The following SPATA17 variants were observed in gnomAD, a reference collection of about 807,000 sequenced individuals.
The protein encoded by SPATA17 is spermatogenesis associated 17.
Under a neutral mutation model 62.2 loss-of-function variants are expected in SPATA17, and 53 were observed. That is an observed-to-expected ratio of 0.85 (90% CI 0.68 to 1.07). The LOEUF is 1.07. Among genes scored for constraint, SPATA17 ranks in the 50% least tolerant of loss-of-function variants. The pLI, the probability that SPATA17 is intolerant of heterozygous loss-of-function variation, is 0.00. For missense variants in SPATA17, 466 were observed against 425.5 expected (o/e 1.10, Z -0.84); for synonymous variants, 146 against 146.8 (o/e 0.99, Z 0.04).
intron 5 of SPATA17, among the ~76,000 whole-genome samples, chr1:217,707,097 C>T (rs1671754213): frequency 1.3e-5 from 2 of 152,100 alleles, no homozygotes; most frequent in Non-Finnish European, 2.9e-5. Context: ...GAACTCCTGA[C>T]CTCGTAATCG....
chr1:217,706,896 T>G (rs1671750330), intron 5 of SPATA17, among the ~76,000 whole-genome samples: 1 of 151,776 alleles, frequency 6.6e-6, no homozygotes, highest in South Asian at 2.1e-4. Context: ...AGATGGAGTC[T>G]TGCTCTTTCA....
At chr1:217,863,274 A>T (rs1675936054) in intron 10 of SPATA17, among the ~76,000 whole-genome samples, 1 of 151,782 alleles carries the variant, frequency 6.6e-6, no homozygotes, top group African/African-American at 2.4e-5. Context: ...AGTCAGTGCC[A>T]CCACACCTGG....
chr1:217,761,792 T>C (rs1037338834), intron 6 of SPATA17, among the ~76,000 whole-genome samples: 6 of 152,192 alleles, frequency 3.9e-5, no homozygotes, highest in Admixed American at 2.6e-4. Flanking sequence ...GTGAGGAAGA[T>C]GTCCCAGAAA....
At chr1:217,840,308 A>G (rs1675362119) in intron 9 of SPATA17, among the ~76,000 whole-genome samples, 1 of 152,134 alleles carries the variant, frequency 6.6e-6, no homozygotes, top group South Asian at 2.1e-4. Context: ...CTTTTTATTG[A>G]TAAATTATCC....
chr1:217,714,722 T>G (rs1197761972), intron 5 of SPATA17, among the ~76,000 whole-genome samples: 1 of 151,930 alleles, frequency 6.6e-6, no homozygotes, highest in Non-Finnish European at 1.5e-5. Context: ...CCTGACCTCA[T>G]GATCCGCCCG....
intron 5 of SPATA17, among the ~76,000 whole-genome samples, chr1:217,716,965 G>C (rs943433907): frequency 1.3e-5 from 2 of 152,170 alleles, no homozygotes; most frequent in African/African-American, 4.8e-5. Flanking sequence ...TAAAGGGTAA[G>C]GTCACACACC....
chr1:217,700,962 C>A (rs529089710), intron 5 of SPATA17, among the ~76,000 whole-genome samples: 1 of 151,032 alleles, frequency 6.6e-6, no homozygotes, highest in Non-Finnish European at 1.5e-5. Flanking sequence ...TTTGTGTTTT[C>A]TGTATTATTT....
intron 9 of SPATA17, among the ~76,000 whole-genome samples, chr1:217,817,492 T>G (rs1169168752): frequency 6.6e-6 from 1 of 152,066 alleles, no homozygotes; most frequent in South Asian, 2.1e-4. Context: ...CCCAGCCCTG[T>G]GGATCTGAGT....
chr1:217,773,669 C>T (rs1673510722), intron 6 of SPATA17, among the ~76,000 whole-genome samples: 3 of 152,044 alleles, frequency 2.0e-5, no homozygotes, highest in Admixed American at 2.0e-4. Context: ...GATAGAACAG[C>T]AAGGATAATA....
At chr1:217,818,972 T>C (rs1447607738) in intron 9 of SPATA17, among the ~76,000 whole-genome samples, 1 of 151,096 alleles carries the variant, frequency 6.6e-6, no homozygotes, top group African/African-American at 2.4e-5. Flanking sequence ...TCTGATATGG[T>C]TTTGTCTTTT....
At chr1:217,704,734 T>A (rs1671693740) in intron 5 of SPATA17, among the ~76,000 whole-genome samples, 1 of 150,232 alleles carries the variant, frequency 6.7e-6, no homozygotes, top group Non-Finnish European at 1.5e-5. Flanking sequence ...CATGATCTCA[T>A]TTTTTTTTTA....
At position 217,787,770 on chromosome 1, in the gene SPATA17, CTATT is replaced by C. The variant is rs1205072166; in HGVS notation, c.872+5449_872+5452del. ...CTTCAGTTATGTTTTGCAGAGGTAT[CTATT>C]GTCAACCCTTTCTTGTGTATCTGTC... On this transcript the variant is annotated intron_variant, in intron 8 of 10. Transcript: ENST00000366933. 2.0e-5 allele frequency among the ~76,000 whole-genome samples: 3 copies of C among 152,014 alleles called. No individual in the cohort carries two copies. The South Asian group carries it at 6.2e-4, about 32-fold the overall frequency.
At chr1:217,741,901 T>C in intron 5 of SPATA17, 74 bp from the exon 6 acceptor site, 1 of 1,578,628 alleles carries the variant, frequency 6.3e-7, no homozygotes, top group Admixed American at 1.8e-5. Context: ...TCAAAAAAAC[T>C]GATTTATCAT....
chr1:217,840,748 A>G (rs1675375699), intron 9 of SPATA17, among the ~76,000 whole-genome samples: 1 of 151,942 alleles, frequency 6.6e-6, no homozygotes, highest in South Asian at 2.1e-4. Context: ...AGTCCCAGCT[A>G]TTTGGAGGGC....
rs1474832772 is a variant in SPATA17, at chr1:217,809,771, TGAG to T, written c.1005+7922_1005+7924del. ...GATCAAATTTCAACATGAGTTTTGG[TGAG>T]AACAAACTCAAGCCATAACAATGTC... On this transcript the variant is annotated intron_variant, in intron 9 of 10. Transcript: ENST00000366933. Among the ~76,000 whole-genome samples the T allele has an allele frequency of 2.0e-4, 30 of 152,302 alleles. No individual in the cohort carries two copies. The South Asian group carries it at 5.8e-3, about 29-fold the overall frequency.
intron 8 of SPATA17, 62 bp downstream of exon 8, chr1:217,782,384 T>C: frequency 6.7e-7 from 1 of 1,485,806 alleles, no homozygotes; most frequent in Non-Finnish European, 9.0e-7. Flanking sequence ...TTTCTAATTT[T>C]TTTATTTTCT....
At chr1:217,857,186 C>T (rs973096653) in intron 9 of SPATA17, among the ~76,000 whole-genome samples, 3 of 152,150 alleles carry the variant, frequency 2.0e-5, no homozygotes, top group Admixed American at 1.3e-4. Context: ...TTACTAACAT[C>T]GAAGTATTTA....
chr1:217,754,029 A>T (rs1052725735), intron 6 of SPATA17, among the ~76,000 whole-genome samples: 1 of 152,148 alleles, frequency 6.6e-6, no homozygotes, highest in Non-Finnish European at 1.5e-5. Flanking sequence ...TAAGACCAGG[A>T]GTTCAAGACC....
intron 9 of SPATA17, among the ~76,000 whole-genome samples, chr1:217,850,119 G>A (rs978143182): frequency 6.6e-6 from 1 of 152,088 alleles, no homozygotes; most frequent in African/African-American, 2.4e-5. Context: ...GGATGAGACA[G>A]GGCAAGAAAT....
Sources: allele counts gnomAD v4.1 joint callset (sites outside exome capture counted in the v4.1 genomes callset), GRCh38; gene constraint gnomAD v4.1.1; transcripts MANE v1.5; gene names NCBI Gene and HGNC (gene_info 2026-07-23, HGNC 2026-07-21).